The following RUNX1 variants were observed in gnomAD, a reference collection of about 807,000 sequenced individuals.
RUNX1 encodes the protein RUNX family transcription factor 1.
RUNX1 carries 19 observed loss-of-function variants against 42.8 expected under a neutral mutation model. The ratio of observed to expected loss-of-function variants is 0.44; its 90% CI spans 0.31 to 0.65. The LOEUF (loss-of-function observed/expected upper bound fraction) is 0.65, where lower values mean the gene tolerates loss of function less well. RUNX1 is among the 30% of genes least tolerant of loss of function. RUNX1 has a pLI of 0.07. For synonymous variants in RUNX1, 271 were observed against 289.4 expected (o/e 0.94, Z 0.64); for missense variants, 528 against 672.0 (o/e 0.79, Z 2.37).
intron 2 of RUNX1, among the ~76,000 whole-genome samples, chr21:34,923,658 T>C (rs756460133): frequency 2.0e-5 from 3 of 151,556 alleles, no homozygotes; most frequent in African/African-American, 7.3e-5. Context: ...GCTCTTCTTA[T>C]ATTTCCCATT....
intron 2 of RUNX1, among the ~76,000 whole-genome samples, chr21:34,934,259 GTTT>G (rs201204103): frequency 1.1e-4 from 17 of 151,180 alleles, no homozygotes; most frequent in Non-Finnish European, 1.6e-4. Context: ...TTTGAGTCAA[GTTT>G]TTTTTTAATT....
intron 2 of RUNX1, among the ~76,000 whole-genome samples, chr21:34,940,978 G>A (rs555867535): frequency 1.1e-4 from 17 of 152,276 alleles, no homozygotes; most frequent in South Asian, 2.1e-4. Flanking sequence ...TAGAAATGTC[G>A]GATCTTGTCA....
chr21:34,792,261 G>A lies in RUNX1; in HGVS notation c.1317C>T (p.Ser439=), dbSNP rs1060504667. The A allele has an allele frequency of 6.5e-7, 1 of 1,538,674 alleles. No homozygotes were observed. The highest frequency in any genetic ancestry group is 8.7e-7 in the Non-Finnish European group (1 of 1,146,382). The change falls in exon 9 of 9, where the codon TCC becomes TCT. Residue 439 remains serine (S), a synonymous_variant. Coordinates refer to ENST00000675419, the MANE Select transcript of RUNX1 (RefSeq NM_001754.5). The surrounding 1 kb of genome is among the most constrained non-coding windows in gnomAD (Gnocchi z 6.9). ...LPPCTNASTG[S]ALLNPSLPNQ... is the part of the protein sequence containing the mutation. ...TCGGGAGGCTGGGGTTGAGCAGCGCGGAGCCGGTGGAGGCGTTGGTGCAGG... is the reference window on the plus strand; with the variant it reads ...TCGGGAGGCTGGGGTTGAGCAGCGCAGAGCCGGTGGAGGCGTTGGTGCAGG...
intron 2 of RUNX1, among the ~76,000 whole-genome samples, chr21:35,045,447 C>T (rs1458478900): frequency 1.3e-5 from 2 of 152,042 alleles, no homozygotes; most frequent in Admixed American, 1.3e-4. Context: ...ACTATTTGGA[C>T]ATAGGGTTTT....
chr21:34,860,701 T>A (rs1417778188), intron 5 of RUNX1, among the ~76,000 whole-genome samples: 1 of 152,154 alleles, frequency 6.6e-6, no homozygotes, highest in Non-Finnish European at 1.5e-5. Context: ...TAGCATAAAG[T>A]AAATCAAAGA....
rs547659795 is a variant in RUNX1 at position 34,958,039 on chromosome 21, A to G, written c.59-65076T>C. On this transcript the variant is annotated intron_variant, in intron 2 of 8. Coordinates refer to ENST00000675419, the MANE Select transcript of RUNX1 (RefSeq NM_001754.5). Reference sequence around the variant, plus strand: ...GTAAAATAATAACTCCTTCTAGTTCATCTTTTTTGAAAGACAGACAAATTT... The same window carrying G: ...GTAAAATAATAACTCCTTCTAGTTCGTCTTTTTTGAAAGACAGACAAATTT... Among the ~76,000 whole-genome samples, 4 of 152,326 alleles carry G rather than the reference A, an allele frequency of 2.6e-5. No homozygotes were observed. In the South Asian group the frequency reaches 8.3e-4, roughly 32 times the overall value.
intron 2 of RUNX1, among the ~76,000 whole-genome samples, chr21:35,008,988 T>A (rs2059105436): frequency 6.6e-6 from 1 of 152,194 alleles, no homozygotes; most frequent in Non-Finnish European, 1.5e-5. Context: ...AGGTTGATGC[T>A]TGGCTTTAGG....
intron 2 of RUNX1, among the ~76,000 whole-genome samples, chr21:35,030,594 A>G (rs76356722): frequency 0.078 from 11,837 of 152,244 alleles, 626 homozygotes; most frequent in Non-Finnish European, 0.12. Flanking sequence ...AAAGACTTAA[A>G]CCTAAAACCT....
chr21:34,819,247 G>T (rs2056873724), intron 7 of RUNX1, among the ~76,000 whole-genome samples: 1 of 152,174 alleles, frequency 6.6e-6, no homozygotes, highest in African/African-American at 2.4e-5. Context: ...CCTCATACCT[G>T]TTCTTTAGAA....
At chr21:34,796,663 G>A (rs1225519839) in intron 8 of RUNX1, among the ~76,000 whole-genome samples, 4 of 152,194 alleles carry the variant, frequency 2.6e-5, no homozygotes, top group East Asian at 1.9e-4. Context: ...AAGCAGCCTC[G>A]CTACAGGGCC....
chr21:34,888,444 A>C (rs1392766582), intron 3 of RUNX1: 26 of 1,067,080 alleles, frequency 2.4e-5, no homozygotes, highest in Non-Finnish European at 3.0e-5. Flanking sequence ...CGCAGCCAGG[A>C]AAGAAGTTGA....
intron 2 of RUNX1, among the ~76,000 whole-genome samples, chr21:34,903,017 A>G (rs1032848170): frequency 1.3e-5 from 2 of 152,206 alleles, no homozygotes; most frequent in African/African-American, 2.4e-5. Flanking sequence ...CTAATTTCAC[A>G]TAAGTATTGC....
At chr21:35,001,464 A>G (rs929126092) in intron 2 of RUNX1, among the ~76,000 whole-genome samples, 2 of 152,106 alleles carry the variant, frequency 1.3e-5, no homozygotes, top group African/African-American at 4.8e-5. Context: ...TGCCCAAATA[A>G]AGACTAAATA....
At chr21:34,880,759 C>T (rs2146365036) in intron 4 of RUNX1, 46 bp from the exon 5 acceptor site, 2 of 1,596,414 alleles carry the variant, frequency 1.3e-6, no homozygotes, top group Non-Finnish European at 1.7e-6. Flanking sequence ...GGATGTTATA[C>T]ATACACTTTT....
Position 34,791,296 on chromosome 21 carries a change from T to C in RUNX1, c.*839A>G. On this transcript the variant is annotated 3_prime_UTR_variant, in exon 9 of 9. Coordinates refer to ENST00000675419, the MANE Select transcript of RUNX1 (RefSeq NM_001754.5). ...ACAAAAGAAAATGTAGTACTTGATA[T>C]TTTTCTTAATATAAGTACATTTAAA... 1 of 232,388 alleles carries C rather than the reference T, an allele frequency of 4.3e-6. No individual in the cohort carries two copies. Among genetic ancestry groups the C allele is most frequent in the East Asian group, 6.1e-5 (1 of 16,284 alleles). The allele number at this position is 232,388 out of a possible 1,614,324, so 14.4% of individuals were successfully genotyped here.
intron 2 of RUNX1, among the ~76,000 whole-genome samples, chr21:34,994,931 G>A (rs2058981978): frequency 6.6e-6 from 1 of 152,218 alleles, no homozygotes; most frequent in African/African-American, 2.4e-5. Flanking sequence ...GGCTTTCCTG[G>A]CTGGAACCGC....
chr21:34,809,167 G>C (rs2056724605), intron 7 of RUNX1, among the ~76,000 whole-genome samples: 1 of 152,022 alleles, frequency 6.6e-6, no homozygotes, highest in South Asian at 2.1e-4. Context: ...GTACATTCCT[G>C]CAACACCAGC....
intron 2 of RUNX1, among the ~76,000 whole-genome samples, chr21:34,941,978 A>G (rs993224596): frequency 1.3e-5 from 2 of 152,166 alleles, no homozygotes; most frequent in African/African-American, 4.8e-5. Flanking sequence ...TATGCAAAAT[A>G]TCATCTGATT....
At chr21:34,853,201 TGCTGG>T (rs2057448662) in intron 6 of RUNX1, among the ~76,000 whole-genome samples, 3 of 152,106 alleles carry the variant, frequency 2.0e-5, no homozygotes, top group Non-Finnish European at 4.4e-5. Flanking sequence ...CAGAACCAAC[TGCTGG>T]CACCTGTGAC....
Sources: allele counts gnomAD v4.1 joint callset (sites outside exome capture counted in the v4.1 genomes callset), GRCh38; gene constraint gnomAD v4.1.1; non-coding constraint Gnocchi (gnomAD v3.1); transcripts MANE v1.5; gene names NCBI Gene and HGNC (gene_info 2026-07-23, HGNC 2026-07-21).